Variants in ZMAT4 observed in about 807,000 individuals in gnomAD.
The protein encoded by ZMAT4 is zinc finger matrin-type 4, also known as zinc finger matrin-type protein 4.
ZMAT4 carries 17 observed loss-of-function variants against 28.7 expected under a neutral mutation model. The ratio of observed to expected loss-of-function variants is 0.59; its 90% CI spans 0.41 to 0.89. The LOEUF (loss-of-function observed/expected upper bound fraction) is 0.89, where lower values mean the gene tolerates loss of function less well. Ranked by LOEUF, ZMAT4 falls within the 40% of genes least tolerant of loss-of-function variation. The probability of loss-of-function intolerance (pLI) is 0.00; values close to 1 mark genes in which losing one functional copy is unlikely to be tolerated. For missense variants in ZMAT4, 240 were observed against 283.8 expected (o/e 0.85, Z 1.11); for synonymous variants, 117 against 109.2 (o/e 1.07, Z -0.44).
At chr8:40,566,597 T>G (rs1466373706) in intron 6 of ZMAT4, among the ~76,000 whole-genome samples, 1 of 152,138 alleles carries the variant, frequency 6.6e-6, no homozygotes, top group Non-Finnish European at 1.5e-5. Context: ...GTTCCAAGAC[T>G]AAGAAATAGA....
chr8:40,885,609 C>T (rs778921568), intron 1 of ZMAT4, among the ~76,000 whole-genome samples: 12 of 152,206 alleles, frequency 7.9e-5, no homozygotes, highest in East Asian at 1.9e-4. Flanking sequence ...ACTGCAGCCT[C>T]GAACTCCTGG....
intron 4 of ZMAT4, among the ~76,000 whole-genome samples, chr8:40,683,223 A>T (rs920888907): frequency 1.3e-5 from 2 of 152,200 alleles, no homozygotes; most frequent in Non-Finnish European, 2.9e-5. Context: ...GACATCCTGC[A>T]GGTATAACGA....
chr8:40,789,861 G>A (rs183931568), intron 2 of ZMAT4, among the ~76,000 whole-genome samples: 4 of 152,260 alleles, frequency 2.6e-5, no homozygotes, highest in Admixed American at 2.6e-4. Context: ...GTAGCAATCA[G>A]CACAGAACAG....
chr8:40,549,705 T>C (rs182666775), intron 6 of ZMAT4, among the ~76,000 whole-genome samples: 1 of 152,140 alleles, frequency 6.6e-6, no homozygotes, highest in Non-Finnish European at 1.5e-5. Flanking sequence ...CTGCTTCTTA[T>C]CACATCTTCT....
chr8:40,852,908 T>C (rs944940845), intron 1 of ZMAT4, among the ~76,000 whole-genome samples: 1 of 152,172 alleles, frequency 6.6e-6, no homozygotes, highest in Non-Finnish European at 1.5e-5. Context: ...TTCCAAACTT[T>C]AACACAATTC....
At chr8:40,710,613 T>C (rs979929930) in intron 3 of ZMAT4, among the ~76,000 whole-genome samples, 30 of 151,190 alleles carry the variant, frequency 2.0e-4, no homozygotes, top group Non-Finnish European at 3.7e-4. Context: ...CCCAGCCTTT[T>C]GTGGGGGGAA....
chr8:40,596,697 C>T (rs554892839), intron 5 of ZMAT4, among the ~76,000 whole-genome samples: 2 of 152,286 alleles, frequency 1.3e-5, no homozygotes, highest in South Asian at 4.2e-4. Context: ...TGTCTATATT[C>T]ATTCAGTTCT....
In ZMAT4 at chr8:40,756,426, T is replaced by TTATATATATATATATATATATATATA. The variant is rs72008675; in HGVS notation, c.192+11189_192+11214dup. On this transcript the variant is annotated intron_variant, in intron 3 of 6. Transcript: ENST00000297737. Reference sequence around the variant, plus strand: ...AATTTCATGTCTAGGAAATGTTCTTTTATATATATATATATATATATATAT... The same window carrying TTATATATATATATATATATATATATA: ...AATTTCATGTCTAGGAAATGTTCTTTTATATATATATATATATATATATATATATATATATATATATATATATATAT... Among the ~76,000 whole-genome samples, 283 of 73,132 alleles carry TTATATATATATATATATATATATATA rather than the reference T, an allele frequency of 3.9e-3. 11 individuals are homozygous for TTATATATATATATATATATATATATA. The highest frequency in any genetic ancestry group is 0.01 in the Middle Eastern group (1 of 100). 48.0% of individuals were successfully genotyped at this position (73,132 alleles called of 152,430 possible).
At chr8:40,555,833 C>G (rs1430996293) in intron 6 of ZMAT4, among the ~76,000 whole-genome samples, 1 of 152,138 alleles carries the variant, frequency 6.6e-6, no homozygotes, top group Non-Finnish European at 1.5e-5. Context: ...CTCCTACTCA[C>G]AGACAGGATT....
intron 3 of ZMAT4, among the ~76,000 whole-genome samples, chr8:40,734,920 G>A (rs967778269): frequency 5.3e-5 from 8 of 152,162 alleles, no homozygotes; most frequent in Non-Finnish European, 1.2e-4. Context: ...AATAAAATTA[G>A]AATCTACTGG....
At chr8:40,674,080 C>CTTTTTTTTTTTTTT (rs59753899) in intron 5 of ZMAT4, among the ~76,000 whole-genome samples, 3 of 107,268 alleles carry the variant, frequency 2.8e-5, no homozygotes, top group African/African-American at 3.6e-5. Context: ...TTTTTATCAT[C>CTTTTTTTTTTTTTT]TTTTTTTTTT....
chr8:40,747,918 ATGAAAC>A (rs1563455456), intron 3 of ZMAT4, among the ~76,000 whole-genome samples: 1 of 152,216 alleles, frequency 6.6e-6, no homozygotes, highest in Non-Finnish European at 1.5e-5. Context: ...CAATGTACCA[ATGAAAC>A]AAGATTTTTT....
intron 5 of ZMAT4, among the ~76,000 whole-genome samples, chr8:40,651,997 A>G (rs1236037859): frequency 1.6e-5 from 1 of 61,062 alleles, no homozygotes; most frequent in Non-Finnish European, 3.7e-5. Flanking sequence ...AAACCTAGGC[A>G]TTACCATTCA....
chr8:40,605,363 G>A lies in ZMAT4; in HGVS notation c.578-24102C>T, dbSNP rs1359793801. On this transcript the variant is annotated intron_variant, in intron 5 of 6. Coordinates refer to ENST00000297737, the MANE Select transcript of ZMAT4 (RefSeq NM_024645.3). ...GCACCACTTTTGCTGTATCCCAGAGGTTTTGATATGTTGTGTCACTATTAT... is the reference window on the plus strand; with the variant it reads ...GCACCACTTTTGCTGTATCCCAGAGATTTTGATATGTTGTGTCACTATTAT... 5.9e-5 allele frequency among the ~76,000 whole-genome samples: 9 copies of A among 152,014 alleles called. No individual in the cohort carries two copies. In the East Asian group the frequency reaches 1.5e-3, roughly 26 times the overall value.
chr8:40,617,345 C>T (rs1806045581), intron 5 of ZMAT4, among the ~76,000 whole-genome samples: 1 of 152,148 alleles, frequency 6.6e-6, no homozygotes, highest in Non-Finnish European at 1.5e-5. Flanking sequence ...AATCAGTGCC[C>T]CAAGGCTAGG....
intron 6 of ZMAT4, among the ~76,000 whole-genome samples, chr8:40,578,066 A>G (rs2118532659): frequency 6.6e-6 from 1 of 152,244 alleles, no homozygotes; most frequent in East Asian, 1.9e-4. Context: ...AGAGGAAAGA[A>G]CAGTGAAGAC....
intron 4 of ZMAT4, chr8:40,691,012 G>A (rs1296366414): frequency 6.6e-6 from 5 of 759,218 alleles, no homozygotes; most frequent in South Asian, 6.0e-5. Flanking sequence ...AATCCACTTA[G>A]TGAGAGCCTT....
chr8:40,816,693 A>G (rs529857131), intron 2 of ZMAT4, among the ~76,000 whole-genome samples: 1 of 152,238 alleles, frequency 6.6e-6, no homozygotes, highest in Non-Finnish European at 1.5e-5. Context: ...ACATGGATAG[A>G]GTTCTAGAAG....
At chr8:40,770,529 CCTTT>C (rs1430931654) in intron 2 of ZMAT4, among the ~76,000 whole-genome samples, 10 of 146,144 alleles carry the variant, frequency 6.8e-5, no homozygotes, top group Non-Finnish European at 9.0e-5. Flanking sequence ...TTTCTTCCTC[CCTTT>C]CTTTCTTTCT....
Sources: gnomAD v4.1 joint callset for allele counts (sites outside exome capture counted in the v4.1 genomes callset) on GRCh38, gnomAD v4.1.1 for gene constraint, MANE v1.5 for transcripts, NCBI Gene and HGNC (gene_info 2026-07-23, HGNC 2026-07-21) for gene names.